Variants in IGSF11 observed in about 807,000 individuals in gnomAD.
IGSF11 encodes CXADR like 1.
Under a neutral mutation model 41.0 loss-of-function variants are expected in IGSF11, and 22 were observed. The ratio of observed to expected loss-of-function variants is 0.54; its 90% CI spans 0.38 to 0.77. IGSF11 has a LOEUF of 0.77. Ranked by LOEUF, IGSF11 falls within the 30% of genes least tolerant of loss-of-function variation. The pLI is 0.00. For missense variants in IGSF11, 444 were observed against 530.8 expected (o/e 0.84, Z 1.61); for synonymous variants, 219 against 201.3 (o/e 1.09, Z -0.74).
chr3:119,122,536 AGG>A (rs893783201), intron 1 of IGSF11, among the ~76,000 whole-genome samples: 1 of 152,236 alleles, frequency 6.6e-6, no homozygotes, highest in African/African-American at 2.4e-5. Flanking sequence ...CCAGTGGACT[AGG>A]GGAGCACATG....
intron 1 of IGSF11, among the ~76,000 whole-genome samples, chr3:119,033,149 A>C (rs1280736517): frequency 6.6e-6 from 1 of 152,244 alleles, no homozygotes; most frequent in Non-Finnish European, 1.5e-5. Flanking sequence ...AACTATACAC[A>C]AATGCTATTT....
chr3:119,130,339 G>A (rs9653915), intron 1 of IGSF11, among the ~76,000 whole-genome samples: 25,569 of 152,134 alleles, frequency 0.17, 2,628 homozygotes, highest in Non-Finnish European at 0.24. Flanking sequence ...CTGGAAAATC[G>A]GTACACTCTT....
chr3:118,939,748 T>C (rs1343510464), intron 1 of IGSF11, among the ~76,000 whole-genome samples: 1 of 152,160 alleles, frequency 6.6e-6, no homozygotes, highest in Non-Finnish European at 1.5e-5. Flanking sequence ...ATGTGCATAT[T>C]AGAAAAGAAG....
intron 4 of IGSF11, among the ~76,000 whole-genome samples, chr3:118,909,164 T>C (rs913584781): frequency 7.9e-5 from 12 of 152,304 alleles, no homozygotes; most frequent in South Asian, 6.2e-4. Context: ...CCAATAGATA[T>C]TGATCTTCAG....
intron 1 of IGSF11, among the ~76,000 whole-genome samples, chr3:119,119,179 T>G (rs1434735775): frequency 6.6e-6 from 1 of 152,194 alleles, no homozygotes; most frequent in Non-Finnish European, 1.5e-5. Flanking sequence ...ACCAATTTAC[T>G]GTATTAGTCC....
At chr3:119,090,145 A>G (rs2076741466) in intron 1 of IGSF11, among the ~76,000 whole-genome samples, 2 of 152,214 alleles carry the variant, frequency 1.3e-5, no homozygotes, top group Non-Finnish European at 2.9e-5. Context: ...CCCATTTATA[A>G]TAGCCACAAA....
At chr3:119,007,428 G>A (rs1411934620) in intron 1 of IGSF11, among the ~76,000 whole-genome samples, 6 of 151,500 alleles carry the variant, frequency 4.0e-5, no homozygotes, top group East Asian at 2.0e-4. Flanking sequence ...CGTCTTCTGC[G>A]TCGCTCACGC....
chr3:118,986,959 G>T (rs931995933), intron 1 of IGSF11, among the ~76,000 whole-genome samples: 1 of 152,120 alleles, frequency 6.6e-6, no homozygotes, highest in Non-Finnish European at 1.5e-5. Context: ...AGAACACAGC[G>T]GTAAAGGAGA....
chr3:119,084,332 A>G (rs868070168), intron 1 of IGSF11, among the ~76,000 whole-genome samples: 30 of 152,238 alleles, frequency 2.0e-4, no homozygotes, highest in South Asian at 4.1e-4. Flanking sequence ...TCCTGCCTCC[A>G]ACTGCACTTA....
intron 1 of IGSF11, among the ~76,000 whole-genome samples, chr3:119,097,502 G>A (rs2076872872): frequency 1.3e-5 from 2 of 151,954 alleles, no homozygotes; most frequent in South Asian, 4.1e-4. Flanking sequence ...GCACAGGTTG[G>A]GGGTGAGGTT....
At chr3:119,114,520 T>A (rs939124251) in intron 1 of IGSF11, among the ~76,000 whole-genome samples, 1 of 152,316 alleles carries the variant, frequency 6.6e-6, no homozygotes, top group African/African-American at 2.4e-5. Flanking sequence ...TGATAACACA[T>A]AACAAAAGTG....
upstream of IGSF11, among the ~76,000 whole-genome samples, chr3:119,037,061 G>C (rs1295320705): frequency 6.6e-6 from 1 of 152,088 alleles, no homozygotes; most frequent in African/African-American, 2.4e-5. Flanking sequence ...CACTCTCCCA[G>C]GAAACAAAAA....
At chr3:118,908,673 C>A (rs1365868633) in intron 4 of IGSF11, among the ~76,000 whole-genome samples, 1 of 152,228 alleles carries the variant, frequency 6.6e-6, no homozygotes, top group Non-Finnish European at 1.5e-5. Flanking sequence ...TCACACTCCA[C>A]TGTTTTAGTT....
At chr3:119,036,164 T>C (rs989794911), upstream of IGSF11, among the ~76,000 whole-genome samples, 9 of 152,234 alleles carry the variant, frequency 5.9e-5, no homozygotes, top group Non-Finnish European at 2.9e-5. Context: ...AGGATAAATT[T>C]TGATTATGAA....
chr3:119,034,506 G>A, intron 1 of IGSF11, 25 bp downstream of exon 1: 2 of 1,545,816 alleles, frequency 1.3e-6, no homozygotes, highest in Non-Finnish European at 1.7e-6. Flanking sequence ...GGCCCCACCG[G>A]GAAGAAAGGG....
rs146426954 is a variant in IGSF11 at position 119,093,310 on chromosome 3, C to T, written c.49+11834G>A. On this transcript the variant is annotated intron_variant, in intron 1 of 6. Coordinates refer to the IGSF11 transcript ENST00000354673. ...CCCAGGGATTACACTGCATCAGCTT[C>T]ATATCAATGGAATGAGCTCTGACCC... 3.9e-3 allele frequency among the ~76,000 whole-genome samples: 599 copies of T among 152,240 alleles called. 2 individuals are homozygous for T. The highest frequency in any genetic ancestry group is 7.0e-3 in the Non-Finnish European group (475 of 68,022).
chr3:119,026,386 C>A (rs13060018), intron 1 of IGSF11, among the ~76,000 whole-genome samples: 1,605 of 152,260 alleles, frequency 0.011, 14 homozygotes, highest in Non-Finnish European at 0.016. Context: ...AGTCCATGGA[C>A]TGATGCAGAT....
intron 1 of IGSF11, among the ~76,000 whole-genome samples, chr3:119,113,655 A>G (rs1246805705): frequency 6.6e-6 from 1 of 152,168 alleles, no homozygotes; most frequent in Non-Finnish European, 1.5e-5. Context: ...TTCTAGGCAC[A>G]TGGTGCAAGC....
chr3:118,947,839 T>A (rs1355613477), intron 1 of IGSF11: 1 of 152,268 alleles, frequency 6.6e-6, no homozygotes, highest in African/African-American at 2.4e-5. Flanking sequence ...ATAAATAGAA[T>A]GATACTGTAT....
Sources: gnomAD v4.1 joint callset for allele counts (sites outside exome capture counted in the v4.1 genomes callset) on GRCh38, gnomAD v4.1.1 for gene constraint, MANE v1.5 for transcripts, NCBI Gene and HGNC (gene_info 2026-07-23, HGNC 2026-07-21) for gene names.